RABGEF1: variants seen among roughly 807,000 people sequenced by gnomAD.
RABGEF1 encodes rab5 GDP/GTP exchange factor.
RABGEF1 carries 26 observed loss-of-function variants against 57.3 expected under a neutral mutation model. The ratio of observed to expected loss-of-function variants is 0.45; its 90% CI spans 0.33 to 0.63. The LOEUF is 0.63. RABGEF1 is among the 20% of genes least tolerant of loss of function. The pLI, the probability that RABGEF1 is intolerant of heterozygous loss-of-function variation, is 0.02. For missense variants in RABGEF1, 464 were observed against 607.6 expected (o/e 0.76, Z 2.48); for synonymous variants, 185 against 210.7 (o/e 0.88, Z 1.06).
chr7:66,720,383 A>G (rs1304579913), intron 2 of RABGEF1, among the ~76,000 whole-genome samples: 1 of 151,634 alleles, frequency 6.6e-6, no homozygotes, highest in Non-Finnish European at 1.5e-5. Context: ...TTTTTAGTAG[A>G]GACGGGGTTT....
the RABGEF1 span, among the ~76,000 whole-genome samples, chr7:66,662,031 C>T: frequency 3.9e-5 from 6 of 152,116 alleles, no homozygotes; most frequent in African/African-American, 1.2e-4. Context: ...GGGTGGATCA[C>T]GAGGTCAGGA....
intron 1 of RABGEF1, 43 bp from the exon 2 acceptor site, chr7:66,771,840 A>G: frequency 7.6e-7 from 1 of 1,318,646 alleles, no homozygotes; most frequent in Admixed American, 2.9e-5. Flanking sequence ...TTTATTTAGT[A>G]GAATGATAAT....
the RABGEF1 span, among the ~76,000 whole-genome samples, chr7:66,672,147 G>C: frequency 4.8e-4 from 73 of 151,940 alleles, no homozygotes; most frequent in African/African-American, 1.7e-3. Context: ...ACCTGGCCGG[G>C]CACGGTGGCT....
upstream of RABGEF1, among the ~76,000 whole-genome samples, chr7:66,735,763 T>C (rs1797879999): frequency 6.6e-6 from 1 of 152,154 alleles, no homozygotes; most frequent in Admixed American, 6.5e-5. Flanking sequence ...ATTGTAAGTT[T>C]CCAGAGGCCC....
At chr7:66,699,703 A>C (rs199616029) in intron 1 of RABGEF1, among the ~76,000 whole-genome samples, 6 of 146,172 alleles carry the variant, frequency 4.1e-5, no homozygotes, top group Admixed American at 1.4e-4. Context: ...AAAAAAAAAA[A>C]CAAAACTGGT....
intron 1 of RABGEF1, among the ~76,000 whole-genome samples, chr7:66,690,840 T>C (rs758723500): frequency 6.6e-6 from 1 of 151,830 alleles, no homozygotes; most frequent in Non-Finnish European, 1.5e-5. Context: ...TTCCAGCACT[T>C]TGGGAGGCTG....
At chr7:66,664,121 T>C in the RABGEF1 span, among the ~76,000 whole-genome samples, 1 of 150,124 alleles carries the variant, frequency 6.7e-6, no homozygotes, top group South Asian at 2.1e-4. Context: ...TGCAGCAGTT[T>C]TGAGTAAAAT....
At chr7:66,697,604 T>TTGCC (rs969562758) in intron 1 of RABGEF1, among the ~76,000 whole-genome samples, 19 of 152,094 alleles carry the variant, frequency 1.2e-4, no homozygotes, top group African/African-American at 4.6e-4. Context: ...GCTTCGTGGC[T>TTGCC]TGCCTGCCTG....
intron 1 of RABGEF1, among the ~76,000 whole-genome samples, chr7:66,741,135 GC>G (rs1336840413): frequency 6.6e-6 from 1 of 152,170 alleles, no homozygotes; most frequent in Non-Finnish European, 1.5e-5. Flanking sequence ...CCTCGCCCCG[GC>G]TCCCACCTTC....
At chr7:66,708,100 C>T (rs1208157407) in intron 1 of RABGEF1, among the ~76,000 whole-genome samples, 1 of 152,030 alleles carries the variant, frequency 6.6e-6, no homozygotes, top group African/African-American at 2.4e-5. Context: ...AGTCTATATG[C>T]CATTTGCCTT....
intron 2 of RABGEF1, among the ~76,000 whole-genome samples, chr7:66,720,630 A>G (rs1388026467): frequency 1.3e-5 from 2 of 152,162 alleles, no homozygotes; most frequent in South Asian, 2.1e-4. Flanking sequence ...TCTCCCTAAG[A>G]TTAGAAACAA....
intron 4 of RABGEF1, among the ~76,000 whole-genome samples, chr7:66,794,161 C>G (rs1235099344): frequency 7.1e-6 from 1 of 141,738 alleles, no homozygotes; most frequent in African/African-American, 2.6e-5. Flanking sequence ...GAAAACATTT[C>G]TGTCTTGTCA....
In RABGEF1 at chr7:66,797,470, A is replaced by G; in HGVS notation, c.692A>G (p.Asp231Gly). ...GTATTCTGTCCAGAAACTACTGATG[A>G]TGAGAAGAAAGATCTTGCCATTCAA... Reference protein sequence around the residue: ...KYVFCPETTDDEKKDLAIQKR... With the variant: ...KYVFCPETTDGEKKDLAIQKR... The change falls in exon 6 of 9, where the codon GAT becomes GGT. Residue 231 changes from aspartate to glycine, a missense_variant. By Grantham distance (94) the Asp-to-Gly change is moderately conservative. Transcript: ENST00000284957. 1 of 1,611,232 alleles carries G rather than the reference A, an allele frequency of 6.2e-7. No homozygotes were observed. The highest frequency in any genetic ancestry group is 8.5e-7 in the Non-Finnish European group (1 of 1,179,540).
intron 1 of RABGEF1, among the ~76,000 whole-genome samples, chr7:66,695,655 C>T (rs1792215389): frequency 6.6e-6 from 1 of 151,470 alleles, no homozygotes; most frequent in Non-Finnish European, 1.5e-5. Context: ...GTGGCTCACG[C>T]CTATAATCCC....
At chr7:66,715,321 G>A (rs780310426) in intron 2 of RABGEF1, among the ~76,000 whole-genome samples, 6 of 152,194 alleles carry the variant, frequency 3.9e-5, no homozygotes, top group Non-Finnish European at 5.9e-5. Flanking sequence ...TGTAGATACC[G>A]TGTCTCATTA....
rs1808227292 is a variant in RABGEF1, at chr7:66,775,171, A to G, written c.180-56A>G. 20 of 1,540,798 alleles carry G rather than the reference A, an allele frequency of 1.3e-5. No individual in the cohort carries two copies. The South Asian group carries it at 2.1e-4, about 16-fold the overall frequency. On this transcript the variant is annotated intron_variant, in intron 2 of 8. Coordinates refer to ENST00000284957, the MANE Select transcript of RABGEF1 (RefSeq NM_014504.3). The stretch of plus-strand genomic sequence containing the variant: ...GAATTAATGGAGTAATAACCTTCAC[A>G]TACAGAGAAACCTTGGAGAATATCT...
intron 2 of RABGEF1, among the ~76,000 whole-genome samples, chr7:66,723,304 T>C (rs1180848430): frequency 6.6e-6 from 1 of 152,082 alleles, no homozygotes; most frequent in African/African-American, 2.4e-5. Context: ...TCTTGTTTGT[T>C]TTGGTTTTTG....
intron 2 of RABGEF1, among the ~76,000 whole-genome samples, chr7:66,718,251 G>A (rs1197499644): frequency 1.3e-5 from 2 of 152,102 alleles, no homozygotes; most frequent in Admixed American, 6.6e-5. Context: ...AGGCTGAGGT[G>A]GGAGGATTGC....
intron 1 of RABGEF1, among the ~76,000 whole-genome samples, chr7:66,699,691 C>CAA (rs66868045): frequency 1.3e-4 from 18 of 136,430 alleles, no homozygotes; most frequent in South Asian, 2.3e-4. Context: ...AATTCCATCT[C>CAA]AAAAAAAAAA....
Sources: allele counts gnomAD v4.1 joint callset (sites outside exome capture counted in the v4.1 genomes callset), GRCh38; gene constraint gnomAD v4.1.1; transcripts MANE v1.5; gene names NCBI Gene and HGNC (gene_info 2026-07-23, HGNC 2026-07-21).